STRC: variants seen among roughly 807,000 people sequenced by gnomAD.
STRC encodes the protein stereocilin.
STRC carries 43 observed loss-of-function variants against 103.5 expected under a neutral mutation model. The observed-to-expected ratio is 0.42, with a 90% CI of 0.33 to 0.54. The LOEUF is 0.54. Ranked by LOEUF, STRC falls within the 20% of genes least tolerant of loss-of-function variation. The pLI, the probability that STRC is intolerant of heterozygous loss-of-function variation, is 0.14. For missense variants in STRC, 499 were observed against 1,088.5 expected, an observed-to-expected ratio of 0.46 and a Z score of 7.62; for synonymous variants, 186 against 442.3, an observed-to-expected ratio of 0.42 and a Z score of 7.27.
intron 23 of STRC, chr15:43,602,570 A>G (rs1595957988): frequency 6.5e-6 from 1 of 153,912 alleles, no homozygotes; most frequent in African/African-American, 2.4e-5. Context: ...ACATACCCCA[A>G]AAAATTGGAA....
At chr15:43,609,360 C>G (rs748223528) in intron 15 of STRC, 26 bp from the exon 16 acceptor site, 34 of 1,599,488 alleles carry the variant, frequency 2.1e-5, no homozygotes, top group Non-Finnish European at 2.7e-5. Flanking sequence ...AGACGAGCCC[C>G]TTCCCAGAAG....
At chr15:43,607,260 G>C (rs989422888) in intron 18 of STRC, among the ~76,000 whole-genome samples, 1 of 130,498 alleles carries the variant, frequency 7.7e-6, no homozygotes, top group Non-Finnish European at 1.6e-5. Context: ...ATATGAACGT[G>C]CTCTACAACA....
At chr15:43,602,465 T>G (rs1434429590) in intron 23 of STRC, 1 of 152,042 alleles carries the variant, frequency 6.6e-6, no homozygotes, top group African/African-American at 2.4e-5. Context: ...ATTACAGGCA[T>G]GAGTCACTGC....
rs1361184962 is a variant in STRC at position 43,603,421 on chromosome 15, GA to G, written c.4376-11del. On this transcript the variant is annotated splice_polypyrimidine_tract_variant and intron_variant, in intron 22 of 28. Transcript: ENST00000450892. ...CAATTTGGCACAGGTTCTGAAGGGG[GA>G]AGGCAGGGCCAGGAGGTCAGCGCAG... 6.2e-7 allele frequency: 1 copy of G among 1,612,628 alleles called. No homozygotes were observed. Among genetic ancestry groups the G allele is most frequent in the South Asian group, 1.1e-5 (1 of 91,054 alleles).
chr15:43,600,761 G>A (rs1241404484), intron 25 of STRC, 79 bp from the exon 26 acceptor site: 2 of 1,612,102 alleles, frequency 1.2e-6, no homozygotes, highest in Non-Finnish European at 1.7e-6. Context: ...AGGAAGAGAT[G>A]GCTTCAAATG....
chr15:43,607,825 CT>C (rs754380008), intron 18 of STRC, 37 bp downstream of exon 18: 4 of 1,446,220 alleles, frequency 2.8e-6, no homozygotes, highest in Non-Finnish European at 3.8e-6. Context: ...CCAGATTGAG[CT>C]TTCTGAGGGG....
At chr15:43,602,173 C>T (rs1178194783) in intron 23 of STRC, among the ~76,000 whole-genome samples, 4 of 149,954 alleles carry the variant, frequency 2.7e-5, no homozygotes, top group Admixed American at 6.6e-5. Flanking sequence ...AGACTCTTTC[C>T]CCCAGAGGCT....
intron 18 of STRC, among the ~76,000 whole-genome samples, chr15:43,606,518 T>A (rs916280296): frequency 2.0e-5 from 3 of 151,152 alleles, no homozygotes; most frequent in African/African-American, 7.3e-5. Context: ...GAGAATTGCT[T>A]GAACCCCAGA....
intron 26 of STRC, 50 bp downstream of exon 26, chr15:43,600,484 A>T: frequency 6.2e-7 from 1 of 1,604,438 alleles, no homozygotes; most frequent in South Asian, 1.1e-5. Flanking sequence ...CAGTCCACCC[A>T]TGGTATAGAA....
chr15:43,601,981 G>A (rs1202645972), intron 23 of STRC, among the ~76,000 whole-genome samples: 1 of 151,592 alleles, frequency 6.6e-6, no homozygotes, highest in Non-Finnish European at 1.5e-5. Context: ...TTAGCCAGGT[G>A]TGGTGCACCT....
Position 43,603,390 on chromosome 15 carries a change from T to A in STRC, c.4397A>T (p.Asp1466Val). ...DLPEPVPNCADVRGTFPAAWS... is the reference protein window; with the variant it reads ...DLPEPVPNCAVVRGTFPAAWS... ...GGCTGCTGGGAATGTCCCTCGTACATCTGCACAATTTGGCACAGGTTCTGA... is the reference window on the plus strand; with the variant it reads ...GGCTGCTGGGAATGTCCCTCGTACAACTGCACAATTTGGCACAGGTTCTGA... Residue 1466 changes from aspartate (D) to valine (V), a missense_variant, in exon 23 of 29, where the codon GAT becomes GTT. Coordinates refer to ENST00000450892, the MANE Select transcript of STRC (RefSeq NM_153700.2). The A allele has an allele frequency of 6.2e-7, 1 of 1,613,664 alleles. No individual in the cohort carries two copies. The highest frequency in any genetic ancestry group is 8.5e-7 in the Non-Finnish European group (1 of 1,179,874).
At position 43,617,839 on chromosome 15, in the gene STRC, CA is replaced by C; in HGVS notation, c.581del (p.Val194GlyfsTer36). On this transcript the variant is annotated frameshift_variant, in exon 2 of 29. Coordinates refer to ENST00000450892, the MANE Select transcript of STRC (RefSeq NM_153700.2). LOFTEE classifies it high-confidence loss of function. ...CATTGGTGGGGTCCACACTGGGCTG[CA>C]CCTGCACCAGAGCTTGCCAGCGTGT... ...EGTRWQALVQ[V>X]QPSVDPTNAT... 6.2e-7 allele frequency: 1 copy of C among 1,608,496 alleles called. No homozygotes were observed. Among genetic ancestry groups the C allele is most frequent in the Non-Finnish European group, 8.5e-7 (1 of 1,176,874 alleles).
At chr15:43,604,954 C>G in intron 19 of STRC, 108 bp from the exon 20 acceptor site, 2 of 1,486,394 alleles carry the variant, frequency 1.3e-6, no homozygotes, top group East Asian at 4.8e-5. Flanking sequence ...GCTCCCAGCT[C>G]AGCACCCTAT....
intron 21 of STRC, 75 bp from the exon 22 acceptor site, chr15:43,604,227 G>T: frequency 6.2e-7 from 1 of 1,602,786 alleles, no homozygotes; most frequent in Non-Finnish European, 8.5e-7. Flanking sequence ...TAAGTCCAAA[G>T]TCCTGTCTCT....
At chr15:43,600,428 A>G in intron 26 of STRC, 106 bp downstream of exon 26, 1 of 1,571,364 alleles carries the variant, frequency 6.4e-7, no homozygotes, top group Non-Finnish European at 8.7e-7. Flanking sequence ...CCTTATTTAA[A>G]CACCCTCAGG....
Position 43,601,542 on chromosome 15 carries a change from G to T in STRC, c.4555C>A (p.Pro1519Thr), listed in dbSNP as rs750246174. ...AMGKAKQLWG[P>T]PRGFRPEQIL... Reference sequence around the variant, plus strand: ...TGCTCAGGACGAAATCCCCGGGGGGGACCCCACAACTAGGAGAAAGACAGG... The same window carrying T: ...TGCTCAGGACGAAATCCCCGGGGGGTACCCCACAACTAGGAGAAAGACAGG... The change falls in exon 24 of 29, where the codon CCC becomes ACC. Residue 1519 changes from proline to threonine, a missense_variant. Coordinates refer to ENST00000450892, the MANE Select transcript of STRC (RefSeq NM_153700.2). The T allele has an allele frequency of 5.6e-6, 9 of 1,613,806 alleles. No individual in the cohort carries two copies. The highest frequency in any genetic ancestry group is 3.3e-5 in the South Asian group (3 of 91,072).
At position 43,601,388 on chromosome 15, in the gene STRC, A is replaced by C. The variant is rs1221667602; in HGVS notation, c.4701+8T>G. ...TTGGGAAGCCGTAGGGAGGAGGAAA[A>C]GTGTTACCTGAGTGGTGCTCCAGCC... is the stretch of plus-strand genomic sequence containing the variant. On this transcript the variant is annotated splice_region_variant and intron_variant, in intron 24 of 28. Transcript: ENST00000450892. 5 of 1,612,850 alleles carry C rather than the reference A, an allele frequency of 3.1e-6. No individual in the cohort carries two copies. The African/African-American group carries it at 4.0e-5, about 13-fold the overall frequency.
chr15:43,610,001 G>C (rs1345573850), intron 15 of STRC: 1 of 299,646 alleles, frequency 3.3e-6, no homozygotes, highest in Non-Finnish European at 6.5e-6. Context: ...TCAAGCCTGG[G>C]TGACAGAGCA....
rs752521232 is a variant in STRC at position 43,604,331 on chromosome 15, T to G, written c.4218+30A>C. On this transcript the variant is annotated intron_variant, in intron 21 of 28. Transcript: ENST00000450892. ...CAGCTCACCAGTCCCCTCTATGCAT[T>G]TACTCCCTTCCCTTCTTCCTTCATC... 19 of 1,574,338 alleles carry G rather than the reference T, an allele frequency of 1.2e-5. 1 individual carries two copies. The highest frequency in any genetic ancestry group is 1.6e-5 in the Non-Finnish European group (19 of 1,156,504).
Sources: gnomAD v4.1 joint callset for allele counts (sites outside exome capture counted in the v4.1 genomes callset) on GRCh38, gnomAD v4.1.1 for gene constraint, MANE v1.5 for transcripts, NCBI Gene and HGNC (gene_info 2026-07-23, HGNC 2026-07-21) for gene names.